Variants in DNAH7 observed in about 807,000 individuals in gnomAD.
DNAH7 encodes axonemal beta dynein heavy chain 7.
DNAH7 carries 397 observed loss-of-function variants against 444.6 expected under a neutral mutation model. That is an observed-to-expected ratio of 0.89 (90% CI 0.82 to 0.97). DNAH7 has a LOEUF of 0.97. Among genes scored for constraint, DNAH7 ranks in the 50% least tolerant of loss-of-function variants. DNAH7 has a pLI of 0.00. For synonymous variants in DNAH7, 1,636 were observed against 1,624.4 expected (o/e 1.01, Z -0.17); for missense variants, 4,902 against 4,800.8 (o/e 1.02, Z -0.62).
chr2:195,921,757 A>C (rs1022025756), intron 24 of DNAH7, among the ~76,000 whole-genome samples: 6 of 152,156 alleles, frequency 3.9e-5, no homozygotes, highest in Non-Finnish European at 7.3e-5. Flanking sequence ...TAAAAATATC[A>C]ATTTTAAAAA....
intron 8 of DNAH7, among the ~76,000 whole-genome samples, chr2:196,022,715 C>T (rs1695453971): frequency 1.3e-5 from 2 of 152,226 alleles, no homozygotes; most frequent in Admixed American, 6.5e-5. Context: ...AAGGGTTGAA[C>T]TTCTTCCAAA....
chr2:195,795,560 A>G (rs1353180743), intron 56 of DNAH7, among the ~76,000 whole-genome samples: 1 of 152,256 alleles, frequency 6.6e-6, no homozygotes, highest in Non-Finnish European at 1.5e-5. Flanking sequence ...TCAAAAGGCT[A>G]GAGCATGGAA....
intron 47 of DNAH7, among the ~76,000 whole-genome samples, chr2:195,839,996 C>T (rs770440887): frequency 4.0e-5 from 6 of 151,736 alleles, no homozygotes; most frequent in Non-Finnish European, 7.4e-5. Flanking sequence ...GAGAAGACTT[C>T]CCAATTCCTT....
intron 7 of DNAH7, 71 bp downstream of exon 7, chr2:196,026,689 T>C: frequency 9.5e-7 from 1 of 1,057,476 alleles, no homozygotes; most frequent in African/African-American, 1.6e-5. Context: ...AGTATAGGTA[T>C]TATTAATACA....
intron 19 of DNAH7, among the ~76,000 whole-genome samples, chr2:195,956,863 A>T (rs1366268170): frequency 6.6e-6 from 1 of 152,074 alleles, no homozygotes; most frequent in Non-Finnish European, 1.5e-5. Flanking sequence ...CCTACCAGAA[A>T]CATGTGTTGA....
At chr2:195,990,140 A>C (rs1190636588) in intron 12 of DNAH7, among the ~76,000 whole-genome samples, 1 of 152,180 alleles carries the variant, frequency 6.6e-6, no homozygotes, top group Non-Finnish European at 1.5e-5. Flanking sequence ...TTATCCAAAA[A>C]ATCCTTGTCC....
At chr2:195,989,450 T>C (rs2125641648) in intron 12 of DNAH7, among the ~76,000 whole-genome samples, 1 of 152,344 alleles carries the variant, frequency 6.6e-6, no homozygotes, top group Non-Finnish European at 1.5e-5. Context: ...ATGTAGAACA[T>C]TTTTTAGTAT....
chr2:195,847,094 T>G (rs918747353), intron 46 of DNAH7, among the ~76,000 whole-genome samples: 10 of 144,846 alleles, frequency 6.9e-5, no homozygotes, highest in Admixed American at 2.1e-4. Context: ...TATATATATC[T>G]GATTCTTCAG....
chr2:195,976,901 CTA>C (rs1224645640), intron 15 of DNAH7, among the ~76,000 whole-genome samples: 1 of 152,200 alleles, frequency 6.6e-6, no homozygotes, highest in Non-Finnish European at 1.5e-5. Context: ...CTCTACAAGG[CTA>C]TGAGATCCAC....
intron 12 of DNAH7, among the ~76,000 whole-genome samples, chr2:196,000,212 A>G (rs1049076019): frequency 5.3e-5 from 8 of 152,218 alleles, no homozygotes; most frequent in Non-Finnish European, 1.0e-4. Flanking sequence ...TTGTAAGTTG[A>G]AGAATTTTCA....
At chr2:195,839,007 A>G (rs1698533063) in intron 47 of DNAH7, among the ~76,000 whole-genome samples, 1 of 151,972 alleles carries the variant, frequency 6.6e-6, no homozygotes, top group African/African-American at 2.4e-5. Flanking sequence ...AGCCATGAAC[A>G]ACAGTATCAA....
intron 63 of DNAH7, among the ~76,000 whole-genome samples, chr2:195,741,890 T>C (rs1693058381): frequency 6.6e-6 from 1 of 152,170 alleles, no homozygotes; most frequent in South Asian, 2.1e-4. Context: ...ACTTGAAATG[T>C]GGCTGGTGTG....
intron 63 of DNAH7, among the ~76,000 whole-genome samples, chr2:195,751,718 G>A (rs1693810579): frequency 6.6e-6 from 1 of 152,172 alleles, no homozygotes; most frequent in Non-Finnish European, 1.5e-5. Flanking sequence ...TGAGCATAGT[G>A]GCACATGATG....
chr2:195,924,301 C>G (rs980975248), intron 22 of DNAH7, among the ~76,000 whole-genome samples: 1 of 152,026 alleles, frequency 6.6e-6, no homozygotes, highest in Non-Finnish European at 1.5e-5. Flanking sequence ...AAAGCAACAA[C>G]AAAAGACAGC....
At chr2:195,825,503 T>C (rs1697698433) in intron 48 of DNAH7, among the ~76,000 whole-genome samples, 1 of 151,970 alleles carries the variant, frequency 6.6e-6, no homozygotes, top group South Asian at 2.1e-4. Flanking sequence ...ATTAGTGTTC[T>C]CTTTTTTAAA....
At chr2:195,891,903 G>A in intron 30 of DNAH7, 99 bp from the exon 31 acceptor site, 1 of 981,854 alleles carries the variant, frequency 1.0e-6, no homozygotes, top group Admixed American at 3.5e-5. Flanking sequence ...AATCTACAAA[G>A]AAAGTATTAG....
At chr2:195,936,537 G>T in intron 20 of DNAH7, 62 bp downstream of exon 20, 1 of 1,153,988 alleles carries the variant, frequency 8.7e-7, no homozygotes, top group Non-Finnish European at 1.2e-6. Flanking sequence ...GTTCTACTTT[G>T]TTCTAAAAAT....
At chr2:195,966,134 G>A (rs1691460376) in intron 17 of DNAH7, among the ~76,000 whole-genome samples, 1 of 151,778 alleles carries the variant, frequency 6.6e-6, no homozygotes, top group African/African-American at 2.4e-5. Context: ...GATACCATAT[G>A]TTTTGTTATG....
At chr2:195,759,068 T>C (rs1694218868) in intron 61 of DNAH7, among the ~76,000 whole-genome samples, 1 of 152,172 alleles carries the variant, frequency 6.6e-6, no homozygotes, top group Admixed American at 6.5e-5. Context: ...GGGTGGTTAA[T>C]AGAGTGCTTG....
Sources: allele counts gnomAD v4.1 joint callset (sites outside exome capture counted in the v4.1 genomes callset), GRCh38; gene constraint gnomAD v4.1.1; transcripts MANE v1.5; gene names NCBI Gene and HGNC (gene_info 2026-07-23, HGNC 2026-07-21).